ZNF746: variants seen among roughly 807,000 people sequenced by gnomAD.
ZNF746 encodes the protein zinc finger protein 746.
ZNF746 carries 13 observed loss-of-function variants against 41.0 expected under a neutral mutation model. The ratio of observed to expected loss-of-function variants is 0.32; its 90% CI spans 0.21 to 0.50. The LOEUF (loss-of-function observed/expected upper bound fraction) is 0.50. Among genes scored for constraint, ZNF746 ranks in the 20% least tolerant of loss-of-function variants. The pLI is 0.98. For synonymous variants in ZNF746, 424 were observed against 396.2 expected (o/e 1.07, Z -0.83); for missense variants, 811 against 922.9 (o/e 0.88, Z 1.57).
intron 4 of ZNF746, chr7:149,492,076 A>G (rs1414396088): frequency 2.9e-6 from 2 of 690,102 alleles, no homozygotes; most frequent in Non-Finnish European, 5.3e-6. Flanking sequence ...TGGTTCTTGG[A>G]GGCAAGGCTG....
intron 4 of ZNF746, chr7:149,491,956 G>A (rs779956778): frequency 7.1e-6 from 5 of 702,692 alleles, no homozygotes; most frequent in Non-Finnish European, 5.2e-6. Context: ...GCTGATATCT[G>A]GTAACAAGAT....
At chr7:149,489,446 CAT>C (rs1371312750) in intron 4 of ZNF746, 2 of 152,104 alleles carry the variant, frequency 1.3e-5, no homozygotes, top group Admixed American at 6.5e-5. Context: ...AAATAGGAAA[CAT>C]ATATATTATG....
chr7:149,481,535 GAATAC>G (rs1217483700), intron 4 of ZNF746, among the ~76,000 whole-genome samples: 3 of 152,080 alleles, frequency 2.0e-5, no homozygotes, highest in African/African-American at 7.2e-5. Context: ...CACAAATGTG[GAATAC>G]ATAAATACAG....
At chr7:149,482,004 C>T (rs1258807909) in intron 4 of ZNF746, among the ~76,000 whole-genome samples, 2 of 152,166 alleles carry the variant, frequency 1.3e-5, no homozygotes, top group East Asian at 3.8e-4. Context: ...GTTAACAGTA[C>T]ATTTTATTTA....
At chr7:149,493,290 G>A (rs1354979496) in intron 3 of ZNF746, among the ~76,000 whole-genome samples, 1 of 152,214 alleles carries the variant, frequency 6.6e-6, no homozygotes, top group Non-Finnish European at 1.5e-5. Context: ...CACAGTGCCG[G>A]GGTGAAGAAA....
intron 4 of ZNF746, among the ~76,000 whole-genome samples, chr7:149,484,607 T>C (rs1283807424): frequency 6.6e-6 from 1 of 152,094 alleles, no homozygotes; most frequent in African/African-American, 2.4e-5. Context: ...CTCTTTAAAA[T>C]CATGAACCAA....
chr7:149,494,012 T>C lies in ZNF746; in HGVS notation c.428A>G (p.Asn143Ser), dbSNP rs1354751692. 1.2e-6 allele frequency: 2 copies of C among 1,614,218 alleles called. No individual in the cohort carries two copies. The highest frequency in any genetic ancestry group is 4.5e-5 in the East Asian group (2 of 44,874). The change falls in exon 3 of 7, where the codon AAC becomes AGC. Residue 143 changes from asparagine (N) to serine (S), a missense_variant. Physicochemically the swap from Asn to Ser is conservative, Grantham distance 46 (BLOSUM62 1). Transcript: ENST00000458143. This position sits in a 1 kb window ranked among gnomAD's most constrained non-coding sequence, Gnocchi z 5.6. ...KELYKHVMRGNYETLVSLDYA... is the reference protein window; with the variant it reads ...KELYKHVMRGSYETLVSLDYA... The stretch of plus-strand genomic sequence containing the variant: ...ACCCAGGGAGACCAGCGTCTCGTAG[T>C]TGCCCCTCATCACGTGCTTGTAGAG...
intron 6 of ZNF746, among the ~76,000 whole-genome samples, chr7:149,476,637 G>A (rs1800310709): frequency 6.6e-6 from 1 of 152,198 alleles, no homozygotes; most frequent in Non-Finnish European, 1.5e-5. Context: ...CTAAGCTGGG[G>A]AGGAGGTATA....
intron 4 of ZNF746, among the ~76,000 whole-genome samples, chr7:149,483,338 C>T (rs11768124): frequency 2.8e-4 from 42 of 152,234 alleles, no homozygotes; most frequent in African/African-American, 7.5e-4. Context: ...AGGGGCTGGG[C>T]GCAGTGGCTC....
intron 4 of ZNF746, among the ~76,000 whole-genome samples, chr7:149,485,120 T>C (rs1399330613): frequency 1.4e-5 from 2 of 141,614 alleles, no homozygotes; most frequent in East Asian, 2.1e-4. Context: ...AAAATGCAAG[T>C]TAAAAAAAGA....
chr7:149,474,876 C>G lies in ZNF746; in HGVS notation c.1491G>C (p.Ser497=). Residue 497 remains serine, a synonymous_variant, in exon 7 of 7, where the codon TCG becomes TCC. Coordinates refer to ENST00000458143, the MANE Select transcript of ZNF746 (RefSeq NM_001394198.1). This position sits in a 1 kb window ranked among gnomAD's most constrained non-coding sequence, Gnocchi z 6.3. ...TGCCGCCACCGCCTGTGCCCGGGCC[C>G]GACCCGTCGGGCGCCCCACAGCTGC... ...HQRSCGAPDG[S]GPGTGGGGSG... is the part of the protein sequence containing the mutation. 2 of 1,506,844 alleles carry G rather than the reference C, an allele frequency of 1.3e-6. No homozygotes were observed. Among genetic ancestry groups the G allele is most frequent in the Non-Finnish European group, 8.8e-7 (1 of 1,133,448 alleles). The allele number at this position is 1,506,844 out of a possible 1,614,324, so 93.3% of individuals were successfully genotyped here.
In ZNF746 at chr7:149,497,707, G is replaced by C. The variant is rs1175079251; in HGVS notation, c.-171C>G. The stretch of plus-strand genomic sequence containing the variant: ...GCGCCGCGCCGCCCGCAGTCGCGCC[G>C]CCTCCGTCAGCGCCCGGCCGGTCCA... On this transcript the variant is annotated 5_prime_UTR_variant, in exon 1 of 7. Transcript: ENST00000458143. This position sits in a 1 kb window ranked among gnomAD's most constrained non-coding sequence, Gnocchi z 4.2. The C allele has an allele frequency of 6.5e-6, 2 of 309,120 alleles. No individual in the cohort carries two copies. Among genetic ancestry groups the C allele is most frequent in the Non-Finnish European group, 9.5e-6 (2 of 210,560 alleles). The allele number at this position is 309,120 out of a possible 1,614,324, so 19.1% of individuals were successfully genotyped here. A position where few individuals can be genotyped will look rare whatever the true frequency, so the allele number is the denominator to read the frequency against.
rs184794481 is a variant in ZNF746, at chr7:149,477,578, G to A, written c.743C>T (p.Thr248Met). 45 of 1,609,762 alleles carry A rather than the reference G, an allele frequency of 2.8e-5. No individual in the cohort carries two copies. Among genetic ancestry groups the A allele is most frequent in the Admixed American group, 1.5e-4 (9 of 59,822 alleles). ...QLDSGAGDIS[T>M]DATSGVHSNF... Reference sequence around the variant, plus strand: ...CAGCCACTTACCAGAGGTGGCATCCGTGGAGATGTCTCCTGCTCCGGAATC... The same window carrying A: ...CAGCCACTTACCAGAGGTGGCATCCATGGAGATGTCTCCTGCTCCGGAATC... Residue 248 changes from threonine to methionine, a missense_variant, in exon 5 of 7, where the codon ACG becomes ATG. Transcript: ENST00000458143.
At position 149,494,410 on chromosome 7, in the gene ZNF746, C is replaced by T. The variant is rs202086331; in HGVS notation, c.118G>A (p.Gly40Arg). 19 of 1,613,916 alleles carry T rather than the reference C, an allele frequency of 1.2e-5. No homozygotes were observed. The Admixed American group carries it at 1.3e-4, about 11-fold the overall frequency. Residue 40 changes from glycine to arginine, a missense_variant, in exon 2 of 7, where the codon GGG becomes AGG. Physicochemically the swap from Gly to Arg is moderately radical, Grantham distance 125. This residue lies in a region of ZNF746 where 147 missense variants were observed against 233.4 expected (regional missense o/e 0.63). Transcript: ENST00000458143. The surrounding 1 kb of genome is among the most constrained non-coding windows in gnomAD (Gnocchi z 5.6). ...TCAGCCAGCTTCTTCTCGGCCATCC[C>T]GGTTCGACCTTCTAGGGAAAGCAGG... The part of the protein sequence containing the change: ...ARLLSLEGRT[G>R]MAEKKLADCE...
At position 149,497,107 on chromosome 7, in the gene ZNF746, C is replaced by T. The variant is rs2116509459; in HGVS notation, c.24+406G>A. Reference sequence around the variant, plus strand: ...GAGTCGGTGTATGCGGATTCGAAGCCGGACACCTCCCAGGTGCCACCAGGC... The same window carrying T: ...GAGTCGGTGTATGCGGATTCGAAGCTGGACACCTCCCAGGTGCCACCAGGC... On this transcript the variant is annotated intron_variant, in intron 1 of 6. Transcript: ENST00000458143. This position sits in a 1 kb window ranked among gnomAD's most constrained non-coding sequence, Gnocchi z 4.2. 1.0e-6 allele frequency: 1 copy of T among 985,336 alleles called. No individual in the cohort carries two copies. The highest frequency in any genetic ancestry group is 1.2e-6 in the Non-Finnish European group (1 of 829,924). 61.0% of individuals were successfully genotyped at this position (985,336 alleles called of 1,614,324 possible). A position where few individuals can be genotyped will look rare whatever the true frequency, so the allele number is the denominator to read the frequency against.
At chr7:149,488,308 A>C (rs1478370589) in intron 4 of ZNF746, 2 of 152,218 alleles carry the variant, frequency 1.3e-5, no homozygotes, top group Non-Finnish European at 2.9e-5. Flanking sequence ...AAAATAGAGA[A>C]GAGTATCTTT....
Position 149,477,746 on chromosome 7 carries a change from G to A in ZNF746, c.575C>T (p.Pro192Leu), listed in dbSNP as rs1196539518. 1.2e-6 allele frequency: 2 copies of A among 1,604,244 alleles called. No homozygotes were observed. The highest frequency in any genetic ancestry group is 1.3e-5 in the African/African-American group (1 of 74,710). Reference sequence around the variant, plus strand: ...CAAGAGGTCTGGGGCGGGAACTGGGGGCCCCGAGCCTAGGAAAGGGAGTGA... The same window carrying A: ...CAAGAGGTCTGGGGCGGGAACTGGGAGCCCCGAGCCTAGGAAAGGGAGTGA... ...VPVDPSPGSGPPVPAPDLLMQ... is the reference protein window; with the variant it reads ...VPVDPSPGSGLPVPAPDLLMQ... Residue 192 changes from proline (P) to leucine (L), a missense_variant, in exon 5 of 7, where the codon CCC becomes CTC. Pro to Leu is a moderately conservative substitution (Grantham distance 98). Around this residue, in one of 4 missense-constraint regions of ZNF746, gnomAD observed 495 missense variants for 481.6 expected, o/e 1.03. Transcript: ENST00000458143.
rs1046848403 is a variant in ZNF746 at position 149,474,547 on chromosome 7, C to A, written c.1820G>T (p.Gly607Val). The change falls in exon 7 of 7, where the codon GGC becomes GTC. Residue 607 changes from glycine to valine, a missense_variant. Gly to Val is a moderately radical substitution (Grantham distance 109). This residue lies in a region of ZNF746 where 99 missense variants were observed against 80.3 expected (regional missense o/e 1.23). Coordinates refer to ENST00000458143, the MANE Select transcript of ZNF746 (RefSeq NM_001394198.1). The surrounding 1 kb of genome is among the most constrained non-coding windows in gnomAD (Gnocchi z 6.3). ...CTGGCCTCGGGCCGGGGTCTTGGCG[C>A]CCGCTGCATGGTTGCGCTGGTGCTT... ...LRKHQRNHAA[G>V]AKTPARGQPL... The A allele has an allele frequency of 6.2e-7, 1 of 1,608,224 alleles. No homozygotes were observed. Among genetic ancestry groups the A allele is most frequent in the Non-Finnish European group, 8.5e-7 (1 of 1,177,540 alleles).
At chr7:149,480,000 G>A (rs943247543) in intron 4 of ZNF746, among the ~76,000 whole-genome samples, 1 of 152,212 alleles carries the variant, frequency 6.6e-6, no homozygotes, top group Non-Finnish European at 1.5e-5. Flanking sequence ...CAGGCATGGT[G>A]GCATCCCCTG....
Sources: gnomAD v4.1 joint callset for allele counts (sites outside exome capture counted in the v4.1 genomes callset) on GRCh38, gnomAD v4.1.1 for gene constraint, gnomAD v4.1.1 regional missense constraint, Gnocchi (gnomAD v3.1) non-coding constraint, MANE v1.5 for transcripts, NCBI Gene and HGNC (gene_info 2026-07-23, HGNC 2026-07-21) for gene names.